The following AHR variants were observed in gnomAD, a reference collection of about 807,000 sequenced individuals.
AHR encodes the protein AH-receptor.
In AHR, 40 loss-of-function variants were observed where a neutral mutation model predicts 86.8. That is an observed-to-expected ratio of 0.46 (90% CI 0.36 to 0.60). The LOEUF is 0.60. Among genes scored for constraint, AHR ranks in the 20% least tolerant of loss-of-function variants. The pLI, the probability that AHR is intolerant of heterozygous loss-of-function variation, is 0.00. For synonymous variants in AHR, 398 were observed against 354.9 expected (o/e 1.12, Z -1.37); for missense variants, 1,001 against 1,011.6 (o/e 0.99, Z 0.14).
intron 1 of AHR, among the ~76,000 whole-genome samples, chr7:17,301,376 A>T (rs1333010066): frequency 6.6e-6 from 1 of 152,066 alleles, no homozygotes; most frequent in Admixed American, 6.5e-5. Context: ...AAATTAAACT[A>T]CCAGTTTGTG....
chr7:17,329,735 A>G (rs541017350), intron 4 of AHR: 18 of 338,744 alleles, frequency 5.3e-5, no homozygotes, highest in Middle Eastern at 8.6e-4. Context: ...TTGGGAACTG[A>G]TGACAAGTAA....
intron 4 of AHR, among the ~76,000 whole-genome samples, chr7:17,329,322 G>A (rs1383212252): frequency 6.6e-6 from 1 of 151,832 alleles, no homozygotes; most frequent in Non-Finnish European, 1.5e-5. Flanking sequence ...GTTTATGTCT[G>A]TGCACACACC....
chr7:17,343,190 A>G lies in AHR; in HGVS notation c.*126A>G, dbSNP rs1001444936. The stretch of plus-strand genomic sequence containing the variant: ...GAGGCATTGATGCATGCTATTCACA[A>G]TTATTCCAAACCAAATTTTAATTTT... On this transcript the variant is annotated 3_prime_UTR_variant, in exon 11 of 11. Transcript: ENST00000242057. The G allele has an allele frequency of 7.3e-5, 85 of 1,163,626 alleles. No homozygotes were observed. The highest frequency in any genetic ancestry group is 1.0e-4 in the Non-Finnish European group (82 of 800,552). 72.1% of individuals were successfully genotyped at this position (1,163,626 alleles called of 1,614,324 possible).
Position 17,333,898 on chromosome 7 carries a change from G to C in AHR, c.706-14G>C, listed in dbSNP as rs771658060. 6.2e-7 allele frequency: 1 copy of C among 1,606,460 alleles called. No homozygotes were observed. The highest frequency in any genetic ancestry group is 8.5e-7 in the Non-Finnish European group (1 of 1,175,186). On this transcript the variant is annotated splice_polypyrimidine_tract_variant and intron_variant, in intron 6 of 10. Transcript: ENST00000242057. ...AATTTTAATGAACTTTTTTGTTGTT[G>C]TTGCTTTTTTAAGGCAATGAATTTC...
Position 17,335,784 on chromosome 7 carries a change from A to G in AHR, c.1158A>G (p.Leu386=). The stretch of plus-strand genomic sequence containing the variant: ...ATATCATTGTAACTCAGAGACCACT[A>G]ACGTAAGCACAAATAATGTTTCCTG... The part of the protein sequence containing the change: ...PDYIIVTQRP[L]TDEEGTEHLR... The change falls in exon 9 of 11, where the codon CTA becomes CTG. Residue 386 remains leucine (L), a splice_region_variant and synonymous_variant. Coordinates refer to ENST00000242057, the MANE Select transcript of AHR (RefSeq NM_001621.5). 6.2e-7 allele frequency: 1 copy of G among 1,611,864 alleles called. No homozygotes were observed. The highest frequency in any genetic ancestry group is 8.5e-7 in the Non-Finnish European group (1 of 1,179,074).
Position 17,339,608 on chromosome 7 carries a change from A to C in AHR, c.1783A>C (p.Ile595Leu), listed in dbSNP as rs1277674816. ...AGATTCTTTAAGTAAGTCTCCCTTCATACCTTCAGATTATCAACAGCAACA... is the reference window on the plus strand; with the variant it reads ...AGATTCTTTAAGTAAGTCTCCCTTCCTACCTTCAGATTATCAACAGCAACA... ...VQDSLSKSPFIPSDYQQQQSL... is the reference protein window; with the variant it reads ...VQDSLSKSPFLPSDYQQQQSL... Residue 595 changes from isoleucine (I) to leucine (L), a missense_variant, in exon 10 of 11, where the codon ATA becomes CTA. Physicochemically the swap from Ile to Leu is conservative, Grantham distance 5. Transcript: ENST00000242057. 1 of 1,614,004 alleles carries C rather than the reference A, an allele frequency of 6.2e-7. No individual in the cohort carries two copies.
chr7:17,311,570 T>C (rs1051980661), intron 2 of AHR, among the ~76,000 whole-genome samples: 3 of 152,228 alleles, frequency 2.0e-5, no homozygotes, highest in Non-Finnish European at 4.4e-5. Flanking sequence ...CCCGTCTTTC[T>C]TTTGGACAAA....
intron 2 of AHR, among the ~76,000 whole-genome samples, chr7:17,319,399 C>T (rs1298646140): frequency 6.6e-6 from 1 of 152,116 alleles, no homozygotes; most frequent in East Asian, 1.9e-4. Context: ...TAATAGCTCA[C>T]ACACTGAGGT....
chr7:17,310,437 A>G (rs544161156), intron 2 of AHR, among the ~76,000 whole-genome samples: 1 of 151,408 alleles, frequency 6.6e-6, no homozygotes, highest in African/African-American at 2.4e-5. Context: ...AGTCTTTTTT[A>G]AAAAAAAAGA....
At position 17,322,882 on chromosome 7, in the gene AHR, G is replaced by C. The variant is rs564882427; in HGVS notation, c.360+275G>C. Among the ~76,000 whole-genome samples the C allele has an allele frequency of 1.2e-4, 19 of 152,112 alleles. No homozygotes were observed. The South Asian group carries it at 3.9e-3, about 32-fold the overall frequency. On this transcript the variant is annotated intron_variant, in intron 3 of 10. Coordinates refer to ENST00000242057, the MANE Select transcript of AHR (RefSeq NM_001621.5). ...TTTTTACTGTAATTTTTCTAGTTTA[G>C]ATACAAAAATGCTTACCATGTGTTA...
chr7:17,310,204 C>T (rs1782048271), intron 2 of AHR, 81 bp downstream of exon 2: 2 of 1,322,744 alleles, frequency 1.5e-6, no homozygotes, highest in South Asian at 3.5e-5. Context: ...GTGTTAATAA[C>T]TACAAAAATT....
chr7:17,310,024 A>G lies in AHR; in HGVS notation c.154A>G (p.Ser52Gly). ...RLNTELDRLA[S>G]LLPFPQDVIN... ...TAATACAGAGTTGGACCGTTTGGCT[A>G]GCCTGCTGCCTTTCCCACAAGATGT... Residue 52 changes from serine to glycine, a missense_variant, in exon 2 of 11, where the codon AGC becomes GGC. Ser to Gly is a moderately conservative substitution (Grantham distance 56). Around this residue, in one of 2 missense-constraint regions of AHR, gnomAD observed 394 missense variants for 468.5 expected, o/e 0.84. Transcript: ENST00000242057. The G allele has an allele frequency of 6.2e-7, 1 of 1,614,048 alleles. No homozygotes were observed. The highest frequency in any genetic ancestry group is 1.1e-5 in the South Asian group (1 of 91,080).
intron 1 of AHR, among the ~76,000 whole-genome samples, chr7:17,300,516 A>G (rs552757838): frequency 6.6e-6 from 1 of 152,308 alleles, no homozygotes; most frequent in East Asian, 1.9e-4. Context: ...AATTTCAGTT[A>G]TCATAGTTCT....
chr7:17,336,691 A>G (rs1435064573), intron 9 of AHR, among the ~76,000 whole-genome samples: 2 of 152,188 alleles, frequency 1.3e-5, no homozygotes, highest in African/African-American at 2.4e-5. Context: ...ATGTATGTGT[A>G]TAAGTACCCA....
chr7:17,313,364 A>C (rs1198300982), intron 2 of AHR, among the ~76,000 whole-genome samples: 15 of 152,204 alleles, frequency 9.9e-5, no homozygotes, highest in Admixed American at 9.8e-4. Context: ...AGGGAAGCTC[A>C]AAGTGAATAA....
intron 1 of AHR, among the ~76,000 whole-genome samples, chr7:17,301,920 T>C (rs1359984360): frequency 6.6e-6 from 1 of 151,848 alleles, no homozygotes; most frequent in Non-Finnish European, 1.5e-5. Flanking sequence ...TACTATAACT[T>C]TGCTTAGACT....
In AHR at chr7:17,333,965, G is replaced by C. The variant is rs780694305; in HGVS notation, c.759G>C (p.Gly253=). The C allele has an allele frequency of 1.9e-6, 3 of 1,613,428 alleles. No homozygotes were observed. The South Asian group carries it at 3.3e-5, about 18-fold the overall frequency. The change falls in exon 7 of 11, where the codon GGG becomes GGC. Residue 253 remains glycine (G), a synonymous_variant. Coordinates refer to ENST00000242057, the MANE Select transcript of AHR (RefSeq NM_001621.5). The part of the protein sequence containing the change: ...LKYLHGQKKK[G]KDGSILPPQL... ...ATCTTCATGGACAGAAAAAGAAAGG[G>C]AAAGATGGATCAATACTTCCACCTC...
chr7:17,334,180 C>T (rs1782331125), intron 7 of AHR, 66 bp downstream of exon 7: 2 of 1,350,582 alleles, frequency 1.5e-6, no homozygotes, highest in African/African-American at 1.4e-5. Context: ...TCTCTCTTAG[C>T]ATGTAAAACA....
Position 17,339,406 on chromosome 7 carries a change from C to T in AHR, c.1581C>T (p.His527=). ...ATGTGAACTCATTTGCTGGAGGTCA[C>T]CCAGGGCTCTTTCAAGATAGTAAAA... The part of the protein sequence containing the change: ...PQDVNSFAGG[H]PGLFQDSKNS... The change falls in exon 10 of 11, where the codon CAC becomes CAT. Residue 527 remains histidine, a synonymous_variant. Transcript: ENST00000242057. 3 of 1,614,164 alleles carry T rather than the reference C, an allele frequency of 1.9e-6. No homozygotes were observed. The highest frequency in any genetic ancestry group is 2.5e-6 in the Non-Finnish European group (3 of 1,180,034).
Sources: gnomAD v4.1 joint callset for allele counts (sites outside exome capture counted in the v4.1 genomes callset) on GRCh38, gnomAD v4.1.1 for gene constraint, gnomAD v4.1.1 regional missense constraint, MANE v1.5 for transcripts, NCBI Gene and HGNC (gene_info 2026-07-23, HGNC 2026-07-21) for gene names.